Variants in JAKMIP1 observed in about 807,000 individuals in gnomAD.
JAKMIP1 encodes the protein janus kinase and microtubule-interacting protein 1.
In JAKMIP1, 33 loss-of-function variants were observed where a neutral mutation model predicts 113.0. That is an observed-to-expected ratio of 0.29 (90% CI 0.22 to 0.39). The LOEUF (loss-of-function observed/expected upper bound fraction) is 0.39. Among genes scored for constraint, JAKMIP1 ranks in the 10% least tolerant of loss-of-function variants. JAKMIP1 has a pLI of 1.00. For synonymous variants in JAKMIP1, 480 were observed against 459.9 expected (o/e 1.04, Z -0.56); for missense variants, 813 against 1,080.5 (o/e 0.75, Z 3.47).
chr4:6,102,294 G>C (rs1345047814), intron 3 of JAKMIP1, among the ~76,000 whole-genome samples: 2 of 152,294 alleles, frequency 1.3e-5, no homozygotes, highest in African/African-American at 4.8e-5. Context: ...GCCATGTTCT[G>C]AATGTGTCTC....
At chr4:6,161,168 T>C (rs1722892813) in intron 1 of JAKMIP1, among the ~76,000 whole-genome samples, 2 of 138,396 alleles carry the variant, frequency 1.4e-5, no homozygotes, top group Admixed American at 1.4e-4. Context: ...TCACCTCCCC[T>C]GATCTCCACT....
At chr4:6,159,838 G>A (rs77716172) in intron 1 of JAKMIP1, among the ~76,000 whole-genome samples, 2 of 152,254 alleles carry the variant, frequency 1.3e-5, no homozygotes, top group African/African-American at 2.4e-5. Context: ...CACAAAGATG[G>A]GCCTGGCAAG....
At chr4:6,164,234 T>C (rs149026680) in intron 1 of JAKMIP1, among the ~76,000 whole-genome samples, 4,541 of 152,316 alleles carry the variant, frequency 0.03, 158 homozygotes, top group Admixed American at 0.094. Context: ...GCTGATGACG[T>C]GCCAAAGTTG....
At chr4:6,147,303 T>G (rs980159235) in intron 1 of JAKMIP1, among the ~76,000 whole-genome samples, 1 of 152,138 alleles carries the variant, frequency 6.6e-6, no homozygotes, top group Non-Finnish European at 1.5e-5. Context: ...TTGTTTTGTT[T>G]TGGTTTGGTT....
intron 3 of JAKMIP1, among the ~76,000 whole-genome samples, chr4:6,087,057 G>C (rs149025293): frequency 2.0e-5 from 3 of 152,300 alleles, no homozygotes; most frequent in Non-Finnish European, 4.4e-5. Flanking sequence ...GAGATTATTT[G>C]TTGCGGCAGC....
rs937628791 is a variant in JAKMIP1, at chr4:6,135,917, A to C, written c.-147-22920T>G. Among the ~76,000 whole-genome samples, 1 of 150,902 alleles carries C rather than the reference A, an allele frequency of 6.6e-6. No individual in the cohort carries two copies. Among genetic ancestry groups the C allele is most frequent in the Non-Finnish European group, 1.5e-5 (1 of 67,752 alleles). On this transcript the variant is annotated intron_variant, in intron 1 of 20. Coordinates refer to ENST00000409021, the MANE Select transcript of JAKMIP1 (RefSeq NM_001099433.2). This position sits in a 1 kb window ranked among gnomAD's most constrained non-coding sequence, Gnocchi z 4.9. ...ATGGTGGGGGGAGAGGTGGGGGGGG[A>C]CAGCAAAAATAAGGAGTGAATGAAG...
At position 6,184,960 on chromosome 4, in the gene JAKMIP1, C is replaced by T. The variant is rs946038353; in HGVS notation, c.-148+15293G>A. ...GAGCAGACTTGCTGAGTCTTCCGGCCTCCATCTTTCTCCCGTGCTGGATGC... is the reference window on the plus strand; with the variant it reads ...GAGCAGACTTGCTGAGTCTTCCGGCTTCCATCTTTCTCCCGTGCTGGATGC... On this transcript the variant is annotated intron_variant, in intron 1 of 20. Transcript: ENST00000409021. This position sits in a 1 kb window ranked among gnomAD's most constrained non-coding sequence, Gnocchi z 4.5. Among the ~76,000 whole-genome samples, 4 of 152,210 alleles carry T rather than the reference C, an allele frequency of 2.6e-5. No homozygotes were observed. Among genetic ancestry groups the T allele is most frequent in the Non-Finnish European group, 5.9e-5 (4 of 68,034 alleles).
rs537303785 is a variant in JAKMIP1 at position 6,197,612 on chromosome 4, G to C, written c.-148+2641C>G. On this transcript the variant is annotated intron_variant, in intron 1 of 20. Coordinates refer to ENST00000409021, the MANE Select transcript of JAKMIP1 (RefSeq NM_001099433.2). The surrounding 1 kb of genome is among the most constrained non-coding windows in gnomAD (Gnocchi z 6.5). Reference sequence around the variant, plus strand: ...AGAAGCCCTGCAGGTTGATCCCGTCGCCACTATGGGGAGAGGAGTGACCCA... The same window carrying C: ...AGAAGCCCTGCAGGTTGATCCCGTCCCCACTATGGGGAGAGGAGTGACCCA... Among the ~76,000 whole-genome samples the C allele has an allele frequency of 2.0e-5, 3 of 152,158 alleles. No individual in the cohort carries two copies. Among genetic ancestry groups the C allele is most frequent in the Non-Finnish European group, 2.9e-5 (2 of 68,026 alleles).
Position 6,154,116 on chromosome 4 carries a change from G to T in JAKMIP1, c.-147-41119C>A, listed in dbSNP as rs115764815. ...TGCTGCCTATGGTGAGAAGGCACAG[G>T]CTTGTGTCCTGCAGAGCTGATAAAC... On this transcript the variant is annotated intron_variant, in intron 1 of 20. Transcript: ENST00000409021. The surrounding 1 kb of genome is among the most constrained non-coding windows in gnomAD (Gnocchi z 4.2). Among the ~76,000 whole-genome samples the T allele has an allele frequency of 1.3e-5, 2 of 152,186 alleles. No homozygotes were observed. The highest frequency in any genetic ancestry group is 2.9e-5 in the Non-Finnish European group (2 of 68,054).
rs200065471 is a variant in JAKMIP1 at position 6,036,052 on chromosome 4, C to T, written c.2231G>A (p.Arg744Gln). The T allele has an allele frequency of 1.7e-4, 257 of 1,556,422 alleles. No homozygotes were observed. The highest frequency in any genetic ancestry group is 2.1e-4 in the Non-Finnish European group (238 of 1,149,698). The change falls in exon 19 of 21, where the codon CGG becomes CAG. Residue 744 changes from arginine to glutamine, a missense_variant. Physicochemically the swap from Arg to Gln is conservative, Grantham distance 43. Coordinates refer to ENST00000409021, the MANE Select transcript of JAKMIP1 (RefSeq NM_001099433.2). ...LYTALQQEPG[R>Q]RAGEALSEGQ... is the part of the protein sequence containing the mutation. ...CTCGCTCAGCGCCTCACCGGCCCTC[C>T]GCCCCGGCTCCTGCTGCAGCGCTGT...
At chr4:6,114,948 G>T (rs1213963792) in intron 1 of JAKMIP1, among the ~76,000 whole-genome samples, 1 of 152,200 alleles carries the variant, frequency 6.6e-6, no homozygotes, top group Non-Finnish European at 1.5e-5. Flanking sequence ...CTAGGAATGT[G>T]CTTTAAGGAA....
At chr4:6,164,496 C>G (rs1352356397) in intron 1 of JAKMIP1, among the ~76,000 whole-genome samples, 1 of 152,112 alleles carries the variant, frequency 6.6e-6, no homozygotes, top group African/African-American at 2.4e-5. Flanking sequence ...CATTCTGCAG[C>G]CCATGGATCA....
chr4:6,040,198 C>T lies in JAKMIP1; in HGVS notation c.2175+441G>A, dbSNP rs1486758167. The stretch of plus-strand genomic sequence containing the variant: ...ATTTTGCAACCCAAATGCAGTATTA[C>T]ATCCGACCTTATACCTCGTCCCTTC... On this transcript the variant is annotated intron_variant, in intron 18 of 20. Coordinates refer to ENST00000409021, the MANE Select transcript of JAKMIP1 (RefSeq NM_001099433.2). This position sits in a 1 kb window ranked among gnomAD's most constrained non-coding sequence, Gnocchi z 5.8. 1.3e-5 allele frequency among the ~76,000 whole-genome samples: 2 copies of T among 152,252 alleles called. No individual in the cohort carries two copies. The highest frequency in any genetic ancestry group is 6.5e-5 in the Admixed American group (1 of 15,280).
At chr4:6,070,301 AACAC>A (rs1173284288) in intron 8 of JAKMIP1, 1 of 389,182 alleles carries the variant, frequency 2.6e-6, no homozygotes, top group African/African-American at 2.1e-5. Flanking sequence ...CCTTTCCTCT[AACAC>A]ACCCGCCCTA....
At position 6,176,893 on chromosome 4, in the gene JAKMIP1, C is replaced by T. The variant is rs1237135672; in HGVS notation, c.-148+23360G>A. ...ACAAAAAATACAAAAATTAGCCAGG[C>T]ATGGTGGCATGTGCCTGTAGTCTCA... On this transcript the variant is annotated intron_variant, in intron 1 of 20. Transcript: ENST00000409021. This position sits in a 1 kb window ranked among gnomAD's most constrained non-coding sequence, Gnocchi z 5.5. Among the ~76,000 whole-genome samples the T allele has an allele frequency of 1.3e-5, 2 of 152,274 alleles. No homozygotes were observed. Among genetic ancestry groups the T allele is most frequent in the East Asian group, 1.9e-4 (1 of 5,182 alleles).
intron 16 of JAKMIP1, among the ~76,000 whole-genome samples, chr4:6,045,916 A>G (rs1042032200): frequency 1.3e-5 from 2 of 152,166 alleles, no homozygotes; most frequent in African/African-American, 4.8e-5. Flanking sequence ...ATTGACTTCC[A>G]CTTATTCGGA....
rs1005075659 is a variant in JAKMIP1 at position 6,049,409 on chromosome 4, C to A, written c.1962+410G>T. ...AGCTCCCTCTCGCTAATGGGGCCAGCGCCTCAGGCAGACAGCTCCTGTCCC... is the reference window on the plus strand; with the variant it reads ...AGCTCCCTCTCGCTAATGGGGCCAGAGCCTCAGGCAGACAGCTCCTGTCCC... On this transcript the variant is annotated intron_variant, in intron 15 of 20. Transcript: ENST00000409021. The surrounding 1 kb of genome is among the most constrained non-coding windows in gnomAD (Gnocchi z 7.0). 6.6e-6 allele frequency among the ~76,000 whole-genome samples: 1 copy of A among 152,198 alleles called. No individual in the cohort carries two copies. Among genetic ancestry groups the A allele is most frequent in the Non-Finnish European group, 1.5e-5 (1 of 68,054 alleles).
In JAKMIP1 at chr4:6,155,084, A is replaced by C. The variant is rs1722068986; in HGVS notation, c.-147-42087T>G. On this transcript the variant is annotated intron_variant, in intron 1 of 20. Transcript: ENST00000409021. This position sits in a 1 kb window ranked among gnomAD's most constrained non-coding sequence, Gnocchi z 6.1. Reference sequence around the variant, plus strand: ...GAGATGCCAGCCCAGCCTGCTGGGAAGATACTTCTGGTGACAGTGTTGGGG... The same window carrying C: ...GAGATGCCAGCCCAGCCTGCTGGGACGATACTTCTGGTGACAGTGTTGGGG... Among the ~76,000 whole-genome samples the C allele has an allele frequency of 6.6e-6, 1 of 152,124 alleles. No individual in the cohort carries two copies. Among genetic ancestry groups the C allele is most frequent in the African/African-American group, 2.4e-5 (1 of 41,424 alleles).
chr4:6,098,375 G>A (rs1340572496), intron 3 of JAKMIP1, among the ~76,000 whole-genome samples: 1 of 151,936 alleles, frequency 6.6e-6, no homozygotes, highest in African/African-American at 2.4e-5. Flanking sequence ...GGAGGTTGCA[G>A]TAAGCCGAGA....
Sources: allele counts gnomAD v4.1 joint callset (sites outside exome capture counted in the v4.1 genomes callset), GRCh38; gene constraint gnomAD v4.1.1; non-coding constraint Gnocchi (gnomAD v3.1); transcripts MANE v1.5; gene names NCBI Gene and HGNC (gene_info 2026-07-23, HGNC 2026-07-21).